RBM4B: variants seen among roughly 807,000 people sequenced by gnomAD.
The protein encoded by RBM4B is RNA binding motif protein 4B, also known as RNA-binding protein 4B.
RBM4B carries 13 observed loss-of-function variants against 28.5 expected under a neutral mutation model. The observed-to-expected ratio is 0.46, with a 90% CI of 0.30 to 0.72. The LOEUF (loss-of-function observed/expected upper bound fraction) is 0.72. RBM4B is among the 30% of genes least tolerant of loss of function. The probability of loss-of-function intolerance (pLI) is 0.09; values close to 1 mark genes in which losing one functional copy is unlikely to be tolerated. For synonymous variants in RBM4B, 167 were observed against 179.1 expected (o/e 0.93, Z 0.54); for missense variants, 387 against 477.6 (o/e 0.81, Z 1.77).
rs1274023790 is a variant in RBM4B at position 66,665,278 on chromosome 11, C to T, written c.*310G>A. 9.7e-6 allele frequency: 4 copies of T among 413,310 alleles called. No individual in the cohort carries two copies. Among genetic ancestry groups the T allele is most frequent in the South Asian group, 8.7e-5 (3 of 34,546 alleles). 25.6% of individuals were successfully genotyped at this position (413,310 alleles called of 1,614,324 possible). On this transcript the variant is annotated 3_prime_UTR_variant, in exon 4 of 4. Transcript: ENST00000310046. ...GGTAGGCAGGGAGAAGGATTCAACTCCTAGGGAAAGCAAGATAAGAGGGGT... is the reference window on the plus strand; with the variant it reads ...GGTAGGCAGGGAGAAGGATTCAACTTCTAGGGAAAGCAAGATAAGAGGGGT...
chr11:66,668,964 G>T lies in RBM4B; in HGVS notation c.740C>A (p.Thr247Asn), dbSNP rs759769612. 2 of 1,614,210 alleles carry T rather than the reference G, an allele frequency of 1.2e-6. No homozygotes were observed. The highest frequency in any genetic ancestry group is 1.7e-6 in the Non-Finnish European group (2 of 1,180,028). ...TTGGACTTGAGGCAGATGGGACATG[G>T]TCTGCTCTGCGTAGTTGTATGCAGA... The part of the protein sequence containing the change: ...AASAYNYAEQ[T>N]MSHLPQVQST... Residue 247 changes from threonine (T) to asparagine (N), a missense_variant, in exon 3 of 4, where the codon ACC (threonine) becomes AAC (asparagine). Physicochemically the swap from Thr to Asn is moderately conservative, Grantham distance 65 (BLOSUM62 0). This residue lies in a region of RBM4B where 226 missense variants were observed against 220.6 expected (regional missense o/e 1.02). Coordinates refer to ENST00000310046, the MANE Select transcript of RBM4B (RefSeq NM_031492.4).
At chr11:66,677,225 A>T (rs1939667857) in intron 1 of RBM4B, 134 bp from the exon 2 acceptor site, 2 of 1,156,540 alleles carry the variant, frequency 1.7e-6, no homozygotes, top group Non-Finnish European at 2.4e-6. Flanking sequence ...ATTCTTCCTC[A>T]ATAGAAGAAG....
At chr11:66,676,173 CCA>C (rs1336727437) in intron 2 of RBM4B, 1 of 164,332 alleles carries the variant, frequency 6.1e-6, no homozygotes, top group Non-Finnish European at 1.3e-5. Context: ...TCCCGCAGAT[CCA>C]GACTTGCCAC....
intron 3 of RBM4B, chr11:66,665,884 C>T: frequency 6.5e-7 from 1 of 1,535,002 alleles, no homozygotes; most frequent in Non-Finnish European, 8.7e-7. Context: ...CAGAAGGCTA[C>T]TGTTGCTGTA....
chr11:66,665,219 A>AC lies in RBM4B; in HGVS notation c.*368dup, dbSNP rs1939180189. 1 of 280,318 alleles carries AC rather than the reference A, an allele frequency of 3.6e-6. No individual in the cohort carries two copies. Among genetic ancestry groups the AC allele is most frequent in the East Asian group, 8.9e-5 (1 of 11,208 alleles). The allele number at this position is 280,318 out of a possible 1,614,324, so 17.4% of individuals were successfully genotyped here. ...GAAGAGTAAAAGGCTGCTTGCCACT[A>AC]CATGGTCATTTTAAAGGGAAAGGAG... On this transcript the variant is annotated 3_prime_UTR_variant, in exon 4 of 4. Coordinates refer to ENST00000310046, the MANE Select transcript of RBM4B (RefSeq NM_031492.4).
In RBM4B at chr11:66,669,160, G is replaced by A. The variant is rs1192191352; in HGVS notation, c.544C>T (p.Arg182Cys). 19 of 1,613,998 alleles carry A rather than the reference G, an allele frequency of 1.2e-5. No homozygotes were observed. Among genetic ancestry groups the A allele is most frequent in the Middle Eastern group, 1.6e-4 (1 of 6,084 alleles). The change falls in exon 3 of 4, where the codon CGT becomes TGT. Residue 182 changes from arginine to cysteine, a missense_variant. Coordinates refer to ENST00000310046, the MANE Select transcript of RBM4B (RefSeq NM_031492.4). ...TACTGCTCAGTAAAGTCTGCCACACGACCCGTACGATCTACTGGGCACTCT... is the reference window on the plus strand; with the variant it reads ...TACTGCTCAGTAAAGTCTGCCACACAACCCGTACGATCTACTGGGCACTCT... The part of the protein sequence containing the change: ...SKECPVDRTG[R>C]VADFTEQYNE...
At chr11:66,671,477 A>G (rs1939461991) in intron 2 of RBM4B, among the ~76,000 whole-genome samples, 2 of 152,216 alleles carry the variant, frequency 1.3e-5, no homozygotes, top group East Asian at 3.8e-4. Context: ...AGTCAGAGTG[A>G]CCATGACAGT....
In RBM4B at chr11:66,665,519, G is replaced by A. The variant is rs1242070612; in HGVS notation, c.*69C>T. The A allele has an allele frequency of 1.2e-5, 16 of 1,328,918 alleles. No homozygotes were observed. Among genetic ancestry groups the A allele is most frequent in the African/African-American group, 7.3e-5 (5 of 68,886 alleles). The allele number at this position is 1,328,918 out of a possible 1,614,324, so 82.3% of individuals were successfully genotyped here. On this transcript the variant is annotated 3_prime_UTR_variant, in exon 4 of 4. Coordinates refer to ENST00000310046, the MANE Select transcript of RBM4B (RefSeq NM_031492.4). ...TGGAAACATCCCGGCAAAGGGGACC[G>A]CGCGGAGCAAGTTCTCATATATGAC...
chr11:66,666,325 T>C, intron 3 of RBM4B: 1 of 1,026,264 alleles, frequency 9.7e-7, no homozygotes, highest in Non-Finnish European at 1.2e-6. Context: ...TCTTGATCTG[T>C]GCCAATCGAC....
chr11:66,665,395 G>T lies in RBM4B; in HGVS notation c.*193C>A, dbSNP rs1939188572. The T allele has an allele frequency of 3.2e-6, 2 of 632,214 alleles. No individual in the cohort carries two copies. Among genetic ancestry groups the T allele is most frequent in the Non-Finnish European group, 5.6e-6 (2 of 355,612 alleles). 39.2% of individuals were successfully genotyped at this position (632,214 alleles called of 1,614,324 possible). On this transcript the variant is annotated 3_prime_UTR_variant, in exon 4 of 4. Transcript: ENST00000310046. ...ATAAGGAACAGAGTGAAAGGCTACA[G>T]AGACTAGTTTCAGGAGGAAAGAAAA...
chr11:66,676,881 C>A lies in RBM4B; in HGVS notation c.199G>T (p.Val67Leu), dbSNP rs1240904000. ...TTGCTCTTATTCTTGCTGGCTTCCA[C>A]GTTGATGTTCACCCCATGAAGCTTG... ...HYKLHGVNINVEASKNKSKAS... is the reference protein window; with the variant it reads ...HYKLHGVNINLEASKNKSKAS... Residue 67 changes from valine to leucine, a missense_variant, in exon 2 of 4, where the codon GTG (valine) becomes TTG (leucine). Around this residue, in one of 2 missense-constraint regions of RBM4B, gnomAD observed 161 missense variants for 256.9 expected, o/e 0.63. Coordinates refer to ENST00000310046, the MANE Select transcript of RBM4B (RefSeq NM_031492.4). 6.2e-7 allele frequency: 1 copy of A among 1,614,166 alleles called. No homozygotes were observed. Among genetic ancestry groups the A allele is most frequent in the East Asian group, 2.2e-5 (1 of 44,888 alleles).
chr11:66,665,494 T>C lies in RBM4B; in HGVS notation c.*94A>G. 1 of 1,027,232 alleles carries C rather than the reference T, an allele frequency of 9.7e-7. No individual in the cohort carries two copies. The allele number at this position is 1,027,232 out of a possible 1,614,324, so 63.6% of individuals were successfully genotyped here. On this transcript the variant is annotated 3_prime_UTR_variant, in exon 4 of 4. Coordinates refer to ENST00000310046, the MANE Select transcript of RBM4B (RefSeq NM_031492.4). The stretch of plus-strand genomic sequence containing the variant: ...TTTTGTTTACTGAAACATGAAGCAA[T>C]GGAAACATCCCGGCAAAGGGGACCG...
chr11:66,666,581 C>T (rs970375162), intron 3 of RBM4B: 1 of 243,146 alleles, frequency 4.1e-6, no homozygotes, highest in Non-Finnish European at 6.6e-6. Flanking sequence ...TTTAAAATGT[C>T]CTAGCAATAC....
chr11:66,674,266 C>G (rs937194672), intron 2 of RBM4B, among the ~76,000 whole-genome samples: 8 of 150,420 alleles, frequency 5.3e-5, no homozygotes, highest in African/African-American at 2.0e-4. Flanking sequence ...CTCTGTCCCC[C>G]AGGCTGGAGT....
intron 2 of RBM4B, among the ~76,000 whole-genome samples, chr11:66,674,467 T>A (rs1216561960): frequency 6.6e-6 from 1 of 151,714 alleles, no homozygotes; most frequent in Non-Finnish European, 1.5e-5. Context: ...GACCTCGTGA[T>A]CCCCCCGCCT....
intron 3 of RBM4B, chr11:66,666,446 T>G: frequency 1.0e-6 from 1 of 987,762 alleles, no homozygotes; most frequent in Non-Finnish European, 1.2e-6. Flanking sequence ...ATCAGGCTCC[T>G]GGGACTGCAA....
rs1051309735 is a variant in RBM4B at position 66,677,828 on chromosome 11, G to C, written c.-77C>G. On this transcript the variant is annotated 5_prime_UTR_variant, in exon 1 of 4. Coordinates refer to ENST00000310046, the MANE Select transcript of RBM4B (RefSeq NM_031492.4). ...AGAACCTTACAAAATGGCGACGGCC[G>C]CTCGAGCCTGGACGCGACCGGGCCC... 1 of 152,676 alleles carries C rather than the reference G, an allele frequency of 6.5e-6. No homozygotes were observed. Among genetic ancestry groups the C allele is most frequent in the Non-Finnish European group, 1.5e-5 (1 of 68,098 alleles). The allele number at this position is 152,676 out of a possible 1,614,324, so 9.5% of individuals were successfully genotyped here.
At position 66,676,945 on chromosome 11, in the gene RBM4B, C is replaced by T. The variant is rs770919260; in HGVS notation, c.135G>A (p.Lys45=). The change falls in exon 2 of 4, where the codon AAG becomes AAA. Residue 45 remains lysine, a synonymous_variant. Transcript: ENST00000310046. ...TGCGTATGGCATCCTCAGCTGCCGTCTTGTCTTCTATGTGCACAAAGCCGT... is the reference window on the plus strand; with the variant it reads ...TGCGTATGGCATCCTCAGCTGCCGTTTTGTCTTCTATGTGCACAAAGCCGT... The part of the protein sequence containing the change: ...KNYGFVHIED[K]TAAEDAIRNL... The T allele has an allele frequency of 1.2e-6, 2 of 1,614,016 alleles. No homozygotes were observed. Among genetic ancestry groups the T allele is most frequent in the Admixed American group, 1.7e-5 (1 of 60,000 alleles).
Position 66,665,562 on chromosome 11 carries a change from G to A in RBM4B, c.*26C>T. 6.5e-7 allele frequency: 1 copy of A among 1,534,214 alleles called. No individual in the cohort carries two copies. Among genetic ancestry groups the A allele is most frequent in the Non-Finnish European group, 8.7e-7 (1 of 1,145,230 alleles). On this transcript the variant is annotated 3_prime_UTR_variant, in exon 4 of 4. Transcript: ENST00000310046. ...TATATGACCGCAGCCCGAGGGTTCA[G>A]TCCGCAATTATCCTACCTGAAAGAG...
Sources: allele counts gnomAD v4.1 joint callset (sites outside exome capture counted in the v4.1 genomes callset), GRCh38; gene constraint gnomAD v4.1.1; regional missense constraint gnomAD v4.1.1; transcripts MANE v1.5; gene names NCBI Gene and HGNC (gene_info 2026-07-23, HGNC 2026-07-21).